PWWP2A: variants seen among roughly 807,000 people sequenced by gnomAD.
PWWP2A encodes the protein PWWP domain containing 2A.
A neutral mutation model predicts 48.5 loss-of-function variants in PWWP2A; 18 were observed. That is an observed-to-expected ratio of 0.37 (90% CI 0.26 to 0.55). The LOEUF (loss-of-function observed/expected upper bound fraction) is 0.55. Among genes scored for constraint, PWWP2A ranks in the 20% least tolerant of loss-of-function variants. PWWP2A has a pLI of 0.81. For missense variants in PWWP2A, 867 were observed against 976.4 expected, an observed-to-expected ratio of 0.89 and a Z score of 1.49; for synonymous variants, 396 against 387.7, an observed-to-expected ratio of 1.02 and a Z score of -0.25.
rs780472662 is a variant in PWWP2A at position 160,078,177 on chromosome 5, T to C, written c.1670-9A>G. 20 of 1,552,108 alleles carry C rather than the reference T, an allele frequency of 1.3e-5. No individual in the cohort carries two copies. Among genetic ancestry groups the C allele is most frequent in the East Asian group, 2.4e-5 (1 of 41,598 alleles). ...CTGCTAATGTCTTTGTGCTGAAATA[T>C]AGTAAAGAAAAGGAAGAAAATGTCG... On this transcript the variant is annotated splice_polypyrimidine_tract_variant and intron_variant, in intron 3 of 3. Coordinates refer to the PWWP2A transcript ENST00000456329. The surrounding 1 kb of genome is among the most constrained non-coding windows in gnomAD (Gnocchi z 4.2).
chr5:160,077,871 TATA>T lies in PWWP2A; in HGVS notation c.*281_*283del. On this transcript the variant is annotated 3_prime_UTR_variant, in exon 4 of 4. Coordinates refer to the PWWP2A transcript ENST00000456329. This position sits in a 1 kb window ranked among gnomAD's most constrained non-coding sequence, Gnocchi z 4.2. ...AGAAGTTACTGTCAGTGTTTCTTCA[TATA>T]TAAAATTCAAGTGAGTTCTTACGTG... 2 of 355,194 alleles carry T rather than the reference TATA, an allele frequency of 5.6e-6. No homozygotes were observed. The highest frequency in any genetic ancestry group is 1.0e-4 in the South Asian group (2 of 19,418). The allele number at this position is 355,194 out of a possible 1,614,324, so 22.0% of individuals were successfully genotyped here.
chr5:160,048,744 C>A, the PWWP2A span, among the ~76,000 whole-genome samples: 2 of 152,118 alleles, frequency 1.3e-5, no homozygotes, highest in Non-Finnish European at 2.9e-5. Context: ...TCTTCAAATT[C>A]TCTCTCACCT....
chr5:160,103,233 TAA>T (rs1756497998), intron 1 of PWWP2A, among the ~76,000 whole-genome samples: 1 of 152,124 alleles, frequency 6.6e-6, no homozygotes, highest in Non-Finnish European at 1.5e-5. Context: ...AATAAGAAGC[TAA>T]AAAAGTGTTT....
chr5:160,097,457 C>T (rs1468283971), intron 1 of PWWP2A, among the ~76,000 whole-genome samples: 1 of 151,076 alleles, frequency 6.6e-6, no homozygotes, highest in African/African-American at 2.4e-5. Flanking sequence ...TGGTGAAACC[C>T]CGTCTCTACT....
chr5:160,086,925 T>C (rs1187617412), downstream of PWWP2A, among the ~76,000 whole-genome samples: 1 of 152,252 alleles, frequency 6.6e-6, no homozygotes, highest in Non-Finnish European at 1.5e-5. Flanking sequence ...ACTTGCTTTT[T>C]CCACTTTTTA....
chr5:160,116,985 G>C (rs1758204384), intron 1 of PWWP2A: 1 of 152,750 alleles, frequency 6.5e-6, no homozygotes, highest in Non-Finnish European at 1.5e-5. Flanking sequence ...CCAGCTACTT[G>C]GGAGGCTGAG....
chr5:160,049,405 A>T, the PWWP2A span: 1 of 1,082,236 alleles, frequency 9.2e-7, no homozygotes, highest in Non-Finnish European at 1.3e-6. Flanking sequence ...TTGGCAAATG[A>T]CTCTTCCTTT....
downstream of PWWP2A, chr5:160,089,947 G>A: frequency 1.0e-6 from 1 of 984,876 alleles, no homozygotes; most frequent in Non-Finnish European, 1.2e-6. Flanking sequence ...CATTTCCATT[G>A]GAATAAAAGT....
In PWWP2A at chr5:160,119,212, G is replaced by A. The variant is rs767422422; in HGVS notation, c.177C>T (p.Ser59=). 2.1e-6 allele frequency: 3 copies of A among 1,447,764 alleles called. No homozygotes were observed. The highest frequency in any genetic ancestry group is 2.8e-5 in the East Asian group (1 of 36,102). 89.7% of individuals were successfully genotyped at this position (1,447,764 alleles called of 1,614,324 possible). A position where few individuals can be genotyped will look rare whatever the true frequency, so the allele number is the denominator to read the frequency against. The change falls in exon 1 of 2, where the codon TCC becomes TCT. Residue 59 remains serine (S), a synonymous_variant. Transcript: ENST00000307063. ...VPDGETDGQQ[S]APQADEPPLP... is the part of the protein sequence containing the mutation. The stretch of plus-strand genomic sequence containing the variant: ...GCGGCGGCTCGTCGGCCTGAGGAGC[G>A]GATTGCTGCCCGTCAGTCTCGCCAT...
chr5:160,113,274 C>T (rs1045365988), intron 1 of PWWP2A: 2 of 976,842 alleles, frequency 2.0e-6, no homozygotes, highest in African/African-American at 3.5e-5. Flanking sequence ...CCTTTTTTTT[C>T]ACAGAATGAT....
downstream of PWWP2A, among the ~76,000 whole-genome samples, chr5:160,072,286 C>T (rs1463628306): frequency 1.3e-5 from 2 of 152,166 alleles, no homozygotes; most frequent in South Asian, 2.1e-4. Flanking sequence ...TTCAGCAGCA[C>T]ATATACTAAA....
At chr5:160,049,786 A>G in the PWWP2A span, 2 of 898,378 alleles carry the variant, frequency 2.2e-6, no homozygotes, top group Admixed American at 7.3e-5. Context: ...GCTTATCAAG[A>G]TATATGGGAG....
At chr5:160,067,053 C>A (rs1258722031) in intron 2 of PWWP2A, among the ~76,000 whole-genome samples, 1 of 152,006 alleles carries the variant, frequency 6.6e-6, no homozygotes, top group Admixed American at 6.6e-5. Context: ...AAAAGTTTTA[C>A]TGAAATTTTT....
downstream of PWWP2A, among the ~76,000 whole-genome samples, chr5:160,073,607 G>C (rs546685301): frequency 1.3e-5 from 2 of 152,154 alleles, no homozygotes; most frequent in South Asian, 2.1e-4. Context: ...AGGAAATAAT[G>C]AAAGGGCTAA....
intron 4 of PWWP2A, among the ~76,000 whole-genome samples, chr5:160,064,593 G>A (rs540607818): frequency 6.6e-6 from 1 of 152,310 alleles, no homozygotes; most frequent in South Asian, 2.1e-4. Flanking sequence ...TGGAACAGCA[G>A]TTGGTTTTCC....
downstream of PWWP2A, among the ~76,000 whole-genome samples, chr5:160,088,515 G>C (rs1374039510): frequency 6.6e-6 from 1 of 152,162 alleles, no homozygotes; most frequent in Non-Finnish European, 1.5e-5. Context: ...CTCCCTAAGT[G>C]CTGGGATTAC....
In PWWP2A at chr5:160,093,938, C is replaced by A; in HGVS notation, c.712G>T (p.Ala238Ser). 4.3e-6 allele frequency: 7 copies of A among 1,614,040 alleles called. No homozygotes were observed. The highest frequency in any genetic ancestry group is 2.2e-5 in the South Asian group (2 of 91,090). ...GTEVKCEANG[A>S]VPDDPSPVPH... The stretch of plus-strand genomic sequence containing the variant: ...ACAGGAGAAGGGTCATCGGGAACAG[C>A]ACCATTTGCTTCACACTTGACTTCT... Residue 238 changes from alanine (A) to serine (S), a missense_variant, in exon 2 of 2, where the codon GCT (alanine) becomes TCT (serine). Physicochemically the swap from Ala to Ser is moderately conservative, Grantham distance 99. Coordinates refer to ENST00000307063, the MANE Select transcript of PWWP2A (RefSeq NM_001130864.2). The surrounding 1 kb of genome is among the most constrained non-coding windows in gnomAD (Gnocchi z 5.8).
At chr5:160,083,858 T>C (rs1581168088) in intron 2 of PWWP2A, among the ~76,000 whole-genome samples, 1 of 152,214 alleles carries the variant, frequency 6.6e-6, no homozygotes, top group African/African-American at 2.4e-5. Flanking sequence ...GTTAAATAAA[T>C]GAATGGGGCA....
intron 1 of PWWP2A, among the ~76,000 whole-genome samples, chr5:160,100,226 G>A (rs1756128182): frequency 6.6e-6 from 1 of 152,084 alleles, no homozygotes; most frequent in Non-Finnish European, 1.5e-5. Flanking sequence ...GTTTAAGCCT[G>A]GGAGACGGTG....
Sources: gnomAD v4.1 joint callset for allele counts (sites outside exome capture counted in the v4.1 genomes callset) on GRCh38, gnomAD v4.1.1 for gene constraint, Gnocchi (gnomAD v3.1) non-coding constraint, MANE v1.5 for transcripts, NCBI Gene and HGNC (gene_info 2026-07-23, HGNC 2026-07-21) for gene names.